Variants in SCIN observed in about 807,000 individuals in gnomAD.
SCIN encodes adseverin.
In SCIN, 91 loss-of-function variants were observed where a neutral mutation model predicts 91.8. That is an observed-to-expected ratio of 0.99 (90% CI 0.84 to 1.18). The LOEUF is 1.18. Among genes scored for constraint, SCIN ranks in the 50% most tolerant of loss-of-function variants. The pLI, the probability that SCIN is intolerant of heterozygous loss-of-function variation, is 0.00. For missense variants in SCIN, 1,087 were observed against 863.9 expected (o/e 1.26, Z -3.24); for synonymous variants, 367 against 312.6 (o/e 1.17, Z -1.84).
intron 2 of SCIN, among the ~76,000 whole-genome samples, chr7:12,579,144 A>G (rs563408843): frequency 6.6e-6 from 1 of 152,194 alleles, no homozygotes; most frequent in East Asian, 1.9e-4. Flanking sequence ...GAGCTTCACT[A>G]CAATTCTGAC....
At chr7:12,625,556 C>CT (rs2115274048) in intron 6 of SCIN, among the ~76,000 whole-genome samples, 1 of 150,090 alleles carries the variant, frequency 6.7e-6, no homozygotes, top group African/African-American at 2.4e-5. Flanking sequence ...GTCTCGATCT[C>CT]TTGACCTCAT....
intron 4 of SCIN, among the ~76,000 whole-genome samples, chr7:12,608,180 TA>T (rs1440644931): frequency 1.3e-5 from 2 of 152,332 alleles, no homozygotes; most frequent in African/African-American, 4.8e-5. Context: ...TTTGATATTT[TA>T]ATAGCTGCAT....
intron 3 of SCIN, among the ~76,000 whole-genome samples, chr7:12,602,573 G>A (rs532185021): frequency 1.5e-4 from 23 of 152,180 alleles, no homozygotes; most frequent in Admixed American, 3.3e-4. Flanking sequence ...CTCCCAGAGC[G>A]GCCGTTTATA....
intron 1 of SCIN, among the ~76,000 whole-genome samples, chr7:12,571,850 T>C (rs531979028): frequency 2.0e-5 from 3 of 152,344 alleles, no homozygotes; most frequent in South Asian, 2.1e-4. Flanking sequence ...CTTCTACTTT[T>C]ACTCATAAAC....
chr7:12,645,425 T>C (rs1355268071), intron 13 of SCIN, among the ~76,000 whole-genome samples: 1 of 152,184 alleles, frequency 6.6e-6, no homozygotes, highest in African/African-American at 2.4e-5. Context: ...ATGCTACTGT[T>C]CTGAATCTCA....
chr7:12,617,693 A>G (rs1583302283), intron 4 of SCIN, among the ~76,000 whole-genome samples: 1 of 152,180 alleles, frequency 6.6e-6, no homozygotes, highest in Admixed American at 6.6e-5. Context: ...TAGATAAACC[A>G]GGCTAGCAAA....
intron 3 of SCIN, among the ~76,000 whole-genome samples, chr7:12,590,077 T>C (rs1210530522): frequency 6.6e-6 from 1 of 152,112 alleles, no homozygotes; most frequent in East Asian, 1.9e-4. Context: ...CTGAGAAACC[T>C]GTTGAGTGAT....
chr7:12,623,358 A>G (rs1783448971), intron 5 of SCIN, among the ~76,000 whole-genome samples: 1 of 152,180 alleles, frequency 6.6e-6, no homozygotes. Context: ...GAAACAGGGT[A>G]AAAACAGTTC....
intron 3 of SCIN, chr7:12,596,557 C>T: frequency 2.4e-6 from 1 of 420,686 alleles, no homozygotes. Flanking sequence ...TCTCCTGCCC[C>T]ACTCATGCCT....
At chr7:12,646,857 G>T (rs1166117137) in intron 13 of SCIN, among the ~76,000 whole-genome samples, 2 of 152,136 alleles carry the variant, frequency 1.3e-5, no homozygotes, top group Non-Finnish European at 2.9e-5. Context: ...TCCCTTGAAG[G>T]TTATAAATGA....
At position 12,651,144 on chromosome 7, in the gene SCIN, A is replaced by G. The variant is rs1003623507; in HGVS notation, c.1960-697A>G. Among the ~76,000 whole-genome samples, 8 of 152,218 alleles carry G rather than the reference A, an allele frequency of 5.3e-5. No homozygotes were observed. The highest frequency in any genetic ancestry group is 1.7e-4 in the African/African-American group (7 of 41,452). On this transcript the variant is annotated intron_variant, in intron 14 of 15. Coordinates refer to ENST00000297029, the MANE Select transcript of SCIN (RefSeq NM_001112706.3). The surrounding 1 kb of genome is among the most constrained non-coding windows in gnomAD (Gnocchi z 5.9). Reference sequence around the variant, plus strand: ...TGCTTTTCTACCATTTTGAAGTTACAGAAAGAATGGGGGATTGCAGGATGG... The same window carrying G: ...TGCTTTTCTACCATTTTGAAGTTACGGAAAGAATGGGGGATTGCAGGATGG...
intron 1 of SCIN, 186 bp downstream of exon 1, chr7:12,571,171 A>C: frequency 1.6e-6 from 1 of 636,366 alleles, no homozygotes; most frequent in Non-Finnish European, 2.7e-6. Flanking sequence ...CCGGCTGCAA[A>C]CGCGGGGCTC....
In SCIN at chr7:12,644,304, G is replaced by T; in HGVS notation, c.1748G>T (p.Gly583Val). The T allele has an allele frequency of 6.3e-7, 1 of 1,584,474 alleles. No individual in the cohort carries two copies. Among genetic ancestry groups the T allele is most frequent in the Non-Finnish European group, 8.6e-7 (1 of 1,164,688 alleles). Residue 583 changes from glycine (G) to valine (V), a missense_variant, in exon 12 of 16, where the codon GGC becomes GTC. Coordinates refer to ENST00000297029, the MANE Select transcript of SCIN (RefSeq NM_001112706.3). ...LKCKTLRIQE[G>V]EEPEEFWNSL... ...TGCAAAACCTTAAGGATCCAAGAAG[G>T]CGAGGAGCCAGGTGTGTGCTCTGGG...
At chr7:12,641,304 C>A (rs940841267) in intron 11 of SCIN, among the ~76,000 whole-genome samples, 3 of 152,128 alleles carry the variant, frequency 2.0e-5, no homozygotes, top group African/African-American at 7.2e-5. Flanking sequence ...GATTTCTCTA[C>A]GACTGTCCTC....
chr7:12,608,210 C>T (rs1191864832), intron 4 of SCIN, among the ~76,000 whole-genome samples: 2 of 151,798 alleles, frequency 1.3e-5, no homozygotes, highest in Non-Finnish European at 2.9e-5. Context: ...AATTTATTTC[C>T]ATTATAATAC....
chr7:12,586,678 C>T (rs1216473995), intron 3 of SCIN, among the ~76,000 whole-genome samples: 1 of 152,044 alleles, frequency 6.6e-6, no homozygotes, highest in Non-Finnish European at 1.5e-5. Flanking sequence ...ATGGAATCAA[C>T]ATAAATATCC....
At chr7:12,623,553 G>T (rs1440833600) in intron 5 of SCIN, among the ~76,000 whole-genome samples, 1 of 151,978 alleles carries the variant, frequency 6.6e-6, no homozygotes, top group African/African-American at 2.4e-5. Flanking sequence ...TCTGTTGAGG[G>T]TAACAAAAAC....
chr7:12,620,795 G>C (rs866428615), intron 4 of SCIN, among the ~76,000 whole-genome samples: 5 of 152,200 alleles, frequency 3.3e-5, no homozygotes, highest in African/African-American at 1.2e-4. Flanking sequence ...AATAAGTTCA[G>C]TTTGGAGTAT....
Position 12,652,578 on chromosome 7 carries a change from C to CT in SCIN, c.2021-3dup, listed in dbSNP as rs745901480. The CT allele has an allele frequency of 4.3e-5, 69 of 1,611,142 alleles. No individual in the cohort carries two copies. In the African/African-American group the frequency reaches 7.0e-4, roughly 16 times the overall value. On this transcript the variant is annotated splice_polypyrimidine_tract_variant and intron_variant, in intron 15 of 15. Transcript: ENST00000297029. ...TAACTGAATTTATATGTCTTTACAACTTTTTTTAGCCAAAATGTACCTTGA... is the reference window on the plus strand; with the variant it reads ...TAACTGAATTTATATGTCTTTACAACTTTTTTTTAGCCAAAATGTACCTTGA...
Sources: allele counts gnomAD v4.1 joint callset (sites outside exome capture counted in the v4.1 genomes callset), GRCh38; gene constraint gnomAD v4.1.1; non-coding constraint Gnocchi (gnomAD v3.1); transcripts MANE v1.5; gene names NCBI Gene and HGNC (gene_info 2026-07-23, HGNC 2026-07-21).